The following SSH1 variants were observed in gnomAD, a reference collection of about 807,000 sequenced individuals.
SSH1 encodes the protein slingshot protein phosphatase 1, also known as protein phosphatase Slingshot homolog 1.
Under a neutral mutation model 79.7 loss-of-function variants are expected in SSH1, and 43 were observed. The observed-to-expected ratio is 0.54, with a 90% CI of 0.42 to 0.70. The LOEUF is 0.70. SSH1 is among the 30% of genes least tolerant of loss of function. The pLI is 0.00. For missense variants in SSH1, 1,206 were observed against 1,358.8 expected, an observed-to-expected ratio of 0.89 and a Z score of 1.77; for synonymous variants, 599 against 538.3, an observed-to-expected ratio of 1.11 and a Z score of -1.56.
rs2036163690 is a variant in SSH1, at chr12:108,782,663, C to T, written c.*5325G>A. 6.6e-6 allele frequency: 1 copy of T among 152,064 alleles called. No individual in the cohort carries two copies. The highest frequency in any genetic ancestry group is 2.1e-4 in the South Asian group (1 of 4,830). The allele number at this position is 152,064 out of a possible 1,614,324, so 9.4% of individuals were successfully genotyped here. ...ACTGTTTTGGCAAGGGCTGAGGAAG[C>T]AGTTTCCTTTTATATAAACTCAGTC... On this transcript the variant is annotated 3_prime_UTR_variant, in exon 15 of 15. Transcript: ENST00000326495.
rs746551195 is a variant in SSH1, at chr12:108,802,316, A to C, written c.1001+6T>G. 6.2e-7 allele frequency: 1 copy of C among 1,613,252 alleles called. No individual in the cohort carries two copies. Among genetic ancestry groups the C allele is most frequent in the South Asian group, 1.1e-5 (1 of 91,020 alleles). The stretch of plus-strand genomic sequence containing the variant: ...GGACAGGGAAAGACAAGGGGAGGAG[A>C]CTCACCCTGAGCCCTGCAGTTCCTC... On this transcript the variant is annotated splice_donor_region_variant and intron_variant, in intron 11 of 14. Transcript: ENST00000326495.
Position 108,780,441 on chromosome 12 carries a change from G to A in SSH1, c.*7547C>T, listed in dbSNP as rs995218778. Reference sequence around the variant, plus strand: ...GAGTTTTATGAACACACATTGTTAGGGTAGTGTGGGTGTTGTCTCCAAAAA... The same window carrying A: ...GAGTTTTATGAACACACATTGTTAGAGTAGTGTGGGTGTTGTCTCCAAAAA... On this transcript the variant is annotated 3_prime_UTR_variant, in exon 15 of 15. Coordinates refer to ENST00000326495, the MANE Select transcript of SSH1 (RefSeq NM_018984.4). 6 of 152,190 alleles carry A rather than the reference G, an allele frequency of 3.9e-5. No individual in the cohort carries two copies. The highest frequency in any genetic ancestry group is 1.2e-4 in the African/African-American group (5 of 41,442). The allele number at this position is 152,190 out of a possible 1,614,324, so 9.4% of individuals were successfully genotyped here. A position where few individuals can be genotyped will look rare whatever the true frequency, so the allele number is the denominator to read the frequency against.
At chr12:108,813,861 A>C (rs536895837) in intron 5 of SSH1, among the ~76,000 whole-genome samples, 82 of 152,180 alleles carry the variant, frequency 5.4e-4, no homozygotes, top group Middle Eastern at 6.8e-3. Flanking sequence ...AGAAGAGAAT[A>C]GAATCCACGA....
intron 12 of SSH1, 22 bp from the exon 13 acceptor site, chr12:108,799,222 GGGA>G: frequency 3.8e-6 from 6 of 1,598,222 alleles, no homozygotes; most frequent in Non-Finnish European, 5.1e-6. Context: ...GGAGCAGTTG[GGGA>G]GGAGAGATGG....
intron 2 of SSH1, among the ~76,000 whole-genome samples, chr12:108,847,116 C>T (rs2038915339): frequency 6.6e-6 from 1 of 152,136 alleles, no homozygotes; most frequent in Non-Finnish European, 1.5e-5. Context: ...GTAGGCTGGT[C>T]TCAAACTACG....
In SSH1 at chr12:108,792,345, GGTTTTGATC is replaced by G; in HGVS notation, c.1825_1833del (p.Asp609_Asn611del). On this transcript the variant is annotated inframe_deletion, in exon 14 of 15. Transcript: ENST00000326495. ...TTGTTTAGGTTCTCCGAGTTGAGCA[GGTTTTGATC>G]GAGCTGGGTTGGAAGCTGCCCCCAC... The G allele has an allele frequency of 6.2e-7, 1 of 1,614,190 alleles. No individual in the cohort carries two copies. The highest frequency in any genetic ancestry group is 8.5e-7 in the Non-Finnish European group (1 of 1,180,044).
At chr12:108,800,259 G>A (rs1194201574) in intron 12 of SSH1, among the ~76,000 whole-genome samples, 4 of 152,194 alleles carry the variant, frequency 2.6e-5, no homozygotes, top group African/African-American at 9.7e-5. Context: ...ACGGGCTCAG[G>A]GGCAGTGGGG....
intron 2 of SSH1, among the ~76,000 whole-genome samples, chr12:108,828,219 T>C (rs1011970158): frequency 6.6e-6 from 1 of 152,064 alleles, no homozygotes; most frequent in Non-Finnish European, 1.5e-5. Flanking sequence ...CAGCACTGAG[T>C]AGGGGCTTCT....
chr12:108,787,823 G>A lies in SSH1; in HGVS notation c.*165C>T. ...GCTCCCCTTCTTGTGCTGCATGTTG[G>A]TTAGTTTCTTCTCCTCCTCTCTATG... On this transcript the variant is annotated 3_prime_UTR_variant, in exon 15 of 15. Coordinates refer to ENST00000326495, the MANE Select transcript of SSH1 (RefSeq NM_018984.4). 1.1e-6 allele frequency: 1 copy of A among 874,118 alleles called. No individual in the cohort carries two copies. Among genetic ancestry groups the A allele is most frequent in the Admixed American group, 2.4e-5 (1 of 42,454 alleles). The allele number at this position is 874,118 out of a possible 1,614,324, so 54.1% of individuals were successfully genotyped here.
rs375881196 is a variant in SSH1, at chr12:108,792,790, G to A, written c.1389C>T (p.Asp463=). The change falls in exon 14 of 15, where the codon GAC becomes GAT. Residue 463 remains aspartate (D), a synonymous_variant. Transcript: ENST00000326495. ...RHNKLWRQQT[D]SSLQQPVDDP... ...CATCCACAGGCTGCTGGAGGCTGCT[G>A]TCTGTCTGCTGACGCCACAGCTTGT... 11 of 1,613,892 alleles carry A rather than the reference G, an allele frequency of 6.8e-6. No homozygotes were observed. The African/African-American group carries it at 1.3e-4, about 20-fold the overall frequency.
chr12:108,791,896 AAT>A, intron 14 of SSH1: 1 of 1,261,136 alleles, frequency 7.9e-7, no homozygotes, highest in Non-Finnish European at 1.0e-6. Flanking sequence ...GATGAAAAAG[AAT>A]AGTCATATAT....
chr12:108,843,458 T>G (rs1365332840), intron 2 of SSH1, among the ~76,000 whole-genome samples: 2 of 152,130 alleles, frequency 1.3e-5, no homozygotes, highest in African/African-American at 4.8e-5. Context: ...CTTCTTCATA[T>G]GTGCTCAGAG....
intron 5 of SSH1, among the ~76,000 whole-genome samples, chr12:108,814,417 A>C (rs1005300923): frequency 1.3e-5 from 2 of 151,294 alleles, no homozygotes; most frequent in Admixed American, 1.3e-4. Context: ...AAACAAGTAC[A>C]TTGCTCCCTC....
chr12:108,832,545 G>C (rs1303124927), intron 2 of SSH1, among the ~76,000 whole-genome samples: 1 of 152,190 alleles, frequency 6.6e-6, no homozygotes, highest in Non-Finnish European at 1.5e-5. Context: ...GCTCTGGATG[G>C]ATTCAGAACC....
intron 12 of SSH1, among the ~76,000 whole-genome samples, chr12:108,800,008 G>GA (rs1265423818): frequency 6.6e-6 from 1 of 152,230 alleles, no homozygotes; most frequent in Non-Finnish European, 1.5e-5. Flanking sequence ...TCTCAGTGGG[G>GA]TTTTTTCCCC....
rs146273433 is a variant in SSH1, at chr12:108,788,442, G to A, written c.2696C>T (p.Pro899Leu). The A allele has an allele frequency of 6.3e-7, 1 of 1,577,222 alleles. No homozygotes were observed. The highest frequency in any genetic ancestry group is 8.6e-7 in the Non-Finnish European group (1 of 1,163,474). Residue 899 changes from proline to leucine, a missense_variant, in exon 15 of 15, where the codon CCT (proline) becomes CTT (leucine). Physicochemically the swap from Pro to Leu is moderately conservative, Grantham distance 98. Around this residue, in one of 5 missense-constraint regions of SSH1, gnomAD observed 709 missense variants for 730.6 expected, o/e 0.97. Coordinates refer to ENST00000326495, the MANE Select transcript of SSH1 (RefSeq NM_018984.4). ...GTGGTCCAGGCGGTAGAAGAAAGGA[G>A]GGGGGCTCTTCAGTGAGCCTCCTTC... The part of the protein sequence containing the change: ...SLEGGSLKSP[P>L]PFFYRLDHTS...
rs1030497153 is a variant in SSH1, at chr12:108,783,965, G to A, written c.*4023C>T. 2 of 152,224 alleles carry A rather than the reference G, an allele frequency of 1.3e-5. No homozygotes were observed. Among genetic ancestry groups the A allele is most frequent in the African/African-American group, 4.8e-5 (2 of 41,448 alleles). 9.4% of individuals were successfully genotyped at this position (152,224 alleles called of 1,614,324 possible). On this transcript the variant is annotated 3_prime_UTR_variant, in exon 15 of 15. Transcript: ENST00000326495. ...AGCTCTCTTGCCAGAGGTGAAGGGG[G>A]TCCCCTCGCTGAGTTGCGTGTTTAG...
intron 3 of SSH1, among the ~76,000 whole-genome samples, chr12:108,821,356 T>A (rs1360152701): frequency 6.6e-6 from 1 of 151,482 alleles, no homozygotes; most frequent in Non-Finnish European, 1.5e-5. Context: ...ATCAGGCCAC[T>A]GCACGCCAGC....
chr12:108,846,604 T>C (rs1234946294), intron 2 of SSH1, among the ~76,000 whole-genome samples: 2 of 152,252 alleles, frequency 1.3e-5, no homozygotes, highest in Non-Finnish European at 2.9e-5. Context: ...TGTGAGATGA[T>C]CAGTTCTTGA....
Sources: gnomAD v4.1 joint callset for allele counts (sites outside exome capture counted in the v4.1 genomes callset) on GRCh38, gnomAD v4.1.1 for gene constraint, gnomAD v4.1.1 regional missense constraint, MANE v1.5 for transcripts, NCBI Gene and HGNC (gene_info 2026-07-23, HGNC 2026-07-21) for gene names.